EYS: variants seen among roughly 807,000 people sequenced by gnomAD.
The protein encoded by EYS is EGF-like photoreceptor maintenance factor.
Under a neutral mutation model 282.1 loss-of-function variants are expected in EYS, and 250 were observed. That is an observed-to-expected ratio of 0.89 (90% CI 0.80 to 0.98). The LOEUF (loss-of-function observed/expected upper bound fraction) is 0.98, where lower values mean the gene tolerates loss of function less well. Among genes scored for constraint, EYS ranks in the 50% least tolerant of loss-of-function variants. The probability of loss-of-function intolerance (pLI) is 0.00; values close to 1 mark genes in which losing one functional copy is unlikely to be tolerated. For synonymous variants in EYS, 1,355 were observed against 1,282.9 expected (o/e 1.06, Z -1.20); for missense variants, 4,016 against 3,709.0 (o/e 1.08, Z -2.15).
chr6:65,538,905 T>C (rs892465026), intron 2 of EYS, among the ~76,000 whole-genome samples: 1 of 152,160 alleles, frequency 6.6e-6, no homozygotes, highest in Non-Finnish European at 1.5e-5. Context: ...CAAAGATATA[T>C]GCCATCCTCA....
At chr6:64,057,261 T>G (rs1771016240) in intron 33 of EYS, among the ~76,000 whole-genome samples, 2 of 152,132 alleles carry the variant, frequency 1.3e-5, no homozygotes, top group African/African-American at 4.8e-5. Context: ...AGATGTTAAA[T>G]TGTAAAACAA....
At chr6:64,921,795 T>A (rs1416015881) in intron 15 of EYS, among the ~76,000 whole-genome samples, 2 of 152,084 alleles carry the variant, frequency 1.3e-5, no homozygotes, top group Non-Finnish European at 2.9e-5. Context: ...CAGTTATCAA[T>A]AATCCCAAGC....
In EYS at chr6:64,591,548, C is replaced by T. The variant is rs1173958870; in HGVS notation, c.4319G>A (p.Arg1440Lys). 1.3e-6 allele frequency: 2 copies of T among 1,551,204 alleles called. No homozygotes were observed. The part of the protein sequence containing the change: ...SIPGADIELN[R>K]QSLLSRGFLL... ...GAATCCACGGGAGAGTAATGACTGC[C>T]TGTTTAGCTCAATATCAGCCCCTGG... Residue 1440 changes from arginine to lysine, a missense_variant, in exon 26 of 43, where the codon AGG (arginine) becomes AAG (lysine). Arg to Lys is a conservative substitution (Grantham distance 26, BLOSUM62 2). Coordinates refer to ENST00000503581, the MANE Select transcript of EYS (RefSeq NM_001142800.2).
At chr6:63,887,213 T>C (rs1373755561) in intron 35 of EYS, among the ~76,000 whole-genome samples, 1 of 152,168 alleles carries the variant, frequency 6.6e-6, no homozygotes, top group Non-Finnish European at 1.5e-5. Flanking sequence ...CAGTTTCACT[T>C]CTTTATGTTG....
At chr6:65,417,270 G>A (rs12203425) in intron 5 of EYS, among the ~76,000 whole-genome samples, 30,096 of 151,770 alleles carry the variant, frequency 0.2, 3,734 homozygotes, top group Non-Finnish European at 0.26. Context: ...AAAAAAATCA[G>A]AGAATTAACC....
At chr6:64,949,699 G>T (rs573233441) in intron 14 of EYS, among the ~76,000 whole-genome samples, 43 of 151,974 alleles carry the variant, frequency 2.8e-4, no homozygotes, top group South Asian at 2.3e-3. Flanking sequence ...CCCAAGGGGA[G>T]ATTTTACAGG....
intron 5 of EYS, among the ~76,000 whole-genome samples, chr6:65,423,344 T>C (rs1767538088): frequency 6.6e-6 from 1 of 151,914 alleles, no homozygotes; most frequent in South Asian, 2.1e-4. Context: ...AAACCATGCA[T>C]AAAATTAAAA....
intron 2 of EYS, among the ~76,000 whole-genome samples, chr6:65,606,862 T>A (rs946042784): frequency 1.5e-5 from 2 of 135,386 alleles, no homozygotes; most frequent in East Asian, 4.5e-4. Flanking sequence ...AATATCTGAG[T>A]TGAATTAGTC....
At position 65,460,277 on chromosome 6, in the gene EYS, C is replaced by T. The variant is rs1270819577; in HGVS notation, c.862+30317G>A. Reference sequence around the variant, plus strand: ...ATAAATCCACAAAGTAAGAAATAGGCAAAAATTTCTATTATATATAAAATA... The same window carrying T: ...ATAAATCCACAAAGTAAGAAATAGGTAAAAATTTCTATTATATATAAAATA... On this transcript the variant is annotated intron_variant, in intron 5 of 42. Transcript: ENST00000503581. 3.3e-5 allele frequency among the ~76,000 whole-genome samples: 5 copies of T among 150,972 alleles called. No individual in the cohort carries two copies. In the East Asian group the frequency reaches 9.7e-4, roughly 29 times the overall value.
intron 29 of EYS, among the ~76,000 whole-genome samples, chr6:64,319,430 G>A (rs185297501): frequency 1.3e-5 from 2 of 152,016 alleles, no homozygotes; most frequent in East Asian, 1.9e-4. Flanking sequence ...AGGAACCTAC[G>A]TTTTCTGAAA....
chr6:65,070,294 C>T (rs1561950784), intron 12 of EYS, among the ~76,000 whole-genome samples: 1 of 151,938 alleles, frequency 6.6e-6, no homozygotes, highest in African/African-American at 2.4e-5. Flanking sequence ...AAAACCCTCA[C>T]ATATGTCTCA....
chr6:65,623,044 C>T (rs1766577708), intron 2 of EYS, among the ~76,000 whole-genome samples: 1 of 152,154 alleles, frequency 6.6e-6, no homozygotes, highest in Admixed American at 6.5e-5. Flanking sequence ...AGGCCTGGGC[C>T]TCCAAGCTTG....
intron 12 of EYS, among the ~76,000 whole-genome samples, chr6:65,211,931 G>A (rs963435646): frequency 2.0e-5 from 3 of 151,938 alleles, no homozygotes; most frequent in Non-Finnish European, 2.9e-5. Context: ...AGTCTTTTGG[G>A]TGAGGTAAAG....
chr6:64,505,606 T>C (rs1777182832), intron 26 of EYS, among the ~76,000 whole-genome samples: 1 of 152,192 alleles, frequency 6.6e-6, no homozygotes, highest in African/African-American at 2.4e-5. Flanking sequence ...TCCACTTGTC[T>C]TTTTATTTTT....
At chr6:65,040,044 G>T (rs1340433445) in intron 13 of EYS, among the ~76,000 whole-genome samples, 1 of 151,540 alleles carries the variant, frequency 6.6e-6, no homozygotes, top group African/African-American at 2.4e-5. Flanking sequence ...TAAAATAGTT[G>T]CTCCTTACCA....
chr6:64,012,916 G>C (rs1043305451), intron 33 of EYS, among the ~76,000 whole-genome samples: 1 of 152,086 alleles, frequency 6.6e-6, no homozygotes, highest in Non-Finnish European at 1.5e-5. Flanking sequence ...ACAGTACAAA[G>C]AGCTTTGTAT....
chr6:64,700,697 C>T (rs1471592892), intron 22 of EYS, among the ~76,000 whole-genome samples: 3 of 151,904 alleles, frequency 2.0e-5, no homozygotes, highest in Admixed American at 6.6e-5. Flanking sequence ...AGGAAAATTA[C>T]ATTACACTGA....
chr6:63,853,009 A>G (rs1276609577), intron 36 of EYS, among the ~76,000 whole-genome samples: 2 of 152,244 alleles, frequency 1.3e-5, no homozygotes, highest in Non-Finnish European at 2.9e-5. Flanking sequence ...TATTTATGAC[A>G]AACCCATATT....
chr6:64,395,033 G>A (rs887849491), intron 28 of EYS, among the ~76,000 whole-genome samples: 6 of 152,164 alleles, frequency 3.9e-5, no homozygotes, highest in Non-Finnish European at 8.8e-5. Context: ...ATGAAAAAAT[G>A]CTCATCATCA....
Sources: allele counts gnomAD v4.1 joint callset (sites outside exome capture counted in the v4.1 genomes callset), GRCh38; gene constraint gnomAD v4.1.1; transcripts MANE v1.5; gene names NCBI Gene and HGNC (gene_info 2026-07-23, HGNC 2026-07-21).